HVCN1: variants seen among roughly 807,000 people sequenced by gnomAD.
HVCN1 encodes the protein voltage-gated hydrogen channel 1.
In HVCN1, 14 loss-of-function variants were observed where a neutral mutation model predicts 29.2. The observed-to-expected ratio is 0.48, with a 90% CI of 0.32 to 0.75. The LOEUF is 0.75. HVCN1 is among the 30% of genes least tolerant of loss of function. The pLI, the probability that HVCN1 is intolerant of heterozygous loss-of-function variation, is 0.04. For synonymous variants in HVCN1, 131 were observed against 133.2 expected, an observed-to-expected ratio of 0.98 and a Z score of 0.11; for missense variants, 263 against 341.8, an observed-to-expected ratio of 0.77 and a Z score of 1.82.
intron 3 of HVCN1, among the ~76,000 whole-genome samples, chr12:110,668,884 C>A (rs2068467218): frequency 6.6e-6 from 1 of 152,150 alleles, no homozygotes; most frequent in African/African-American, 2.4e-5. Flanking sequence ...GCAATCTCGC[C>A]CCCTGCTTCT....
chr12:110,666,264 T>C (rs2136325566), intron 3 of HVCN1, among the ~76,000 whole-genome samples: 1 of 148,090 alleles, frequency 6.8e-6, no homozygotes, highest in East Asian at 2.0e-4. Flanking sequence ...TAAAAAAAAA[T>C]ACAAAAAAAT....
At chr12:110,656,499 A>C (rs1216171927) in intron 4 of HVCN1, among the ~76,000 whole-genome samples, 1 of 152,136 alleles carries the variant, frequency 6.6e-6, no homozygotes, top group Non-Finnish European at 1.5e-5. Context: ...ATGGCAGTGG[A>C]GATGCAGCAG....
chr12:110,662,098 C>CA (rs1305957916), intron 3 of HVCN1, among the ~76,000 whole-genome samples: 2 of 152,124 alleles, frequency 1.3e-5, no homozygotes, highest in African/African-American at 4.8e-5. Flanking sequence ...GGCTACATGA[C>CA]TACTGGAACA....
rs749906449 is a variant in HVCN1 at position 110,651,376 on chromosome 12, G to A, written c.484C>T (p.Arg162Cys). ...MEIIFKLFVF[R>C]LEFFHHKFEI... ...AACTTGTGGTGAAAGAACTCCAGGC[G>A]GAAGACAAATAATTTAAAGATGATC... The change falls in exon 6 of 8, where the codon CGC (arginine) becomes TGC (cysteine). Residue 162 changes from arginine to cysteine, a missense_variant. By Grantham distance (180) the Arg-to-Cys change is radical. This residue lies in a region of HVCN1 where 55 missense variants were observed against 109.4 expected (regional missense o/e 0.50). Transcript: ENST00000242607. 6.2e-6 allele frequency: 10 copies of A among 1,613,570 alleles called. No homozygotes were observed. The highest frequency in any genetic ancestry group is 1.3e-5 in the African/African-American group (1 of 74,828).
intron 2 of HVCN1, among the ~76,000 whole-genome samples, chr12:110,684,182 G>T (rs1380011672): frequency 6.6e-6 from 1 of 152,076 alleles, no homozygotes; most frequent in Non-Finnish European, 1.5e-5. Flanking sequence ...TGATGCAAAT[G>T]TTCTGTGCAG....
chr12:110,702,812 G>A (rs1257518865), intron 1 of HVCN1, among the ~76,000 whole-genome samples: 1 of 152,152 alleles, frequency 6.6e-6, no homozygotes, highest in Non-Finnish European at 1.5e-5. Flanking sequence ...GTGCAACCAT[G>A]CCCAGCTAAT....
chr12:110,655,315 A>C lies in HVCN1; in HGVS notation c.330T>G (p.Val110=), dbSNP rs1329740832. 1 of 1,613,854 alleles carries C rather than the reference A, an allele frequency of 6.2e-7. No homozygotes were observed. The highest frequency in any genetic ancestry group is 8.5e-7 in the Non-Finnish European group (1 of 1,179,916). Reference sequence around the variant, plus strand: ...CAGCAAGCACCAGGAGGGCATCCAGAACCACCAAGCAGATGATGATGACCT... The same window carrying C: ...CAGCAAGCACCAGGAGGGCATCCAGCACCACCAAGCAGATGATGATGACCT... The part of the protein sequence containing the change: ...RFQVIIICLV[V]LDALLVLAEL... The change falls in exon 5 of 8, where the codon GTT becomes GTG. Residue 110 remains valine, a synonymous_variant. Coordinates refer to ENST00000242607, the MANE Select transcript of HVCN1 (RefSeq NM_032369.4).
chr12:110,664,067 A>G (rs1478713588), intron 3 of HVCN1, among the ~76,000 whole-genome samples: 2 of 152,134 alleles, frequency 1.3e-5, no homozygotes, highest in African/African-American at 2.4e-5. Context: ...GTGGCACACT[A>G]TAACGTGTCT....
intron 2 of HVCN1, among the ~76,000 whole-genome samples, chr12:110,701,507 A>G (rs949119181): frequency 6.6e-6 from 1 of 152,168 alleles, no homozygotes; most frequent in African/African-American, 2.4e-5. Context: ...CAGTGGCTGA[A>G]TTAGGTGACC....
At chr12:110,668,852 G>A (rs1044193343) in intron 3 of HVCN1, among the ~76,000 whole-genome samples, 5 of 152,098 alleles carry the variant, frequency 3.3e-5, no homozygotes, top group African/African-American at 1.2e-4. Context: ...ACTCTTTGAC[G>A]CTGTTGAATC....
rs532352070 is a variant in HVCN1, at chr12:110,676,122, T to C, written c.21+7103A>G. Among the ~76,000 whole-genome samples, 1 of 152,252 alleles carries C rather than the reference T, an allele frequency of 6.6e-6. No individual in the cohort carries two copies. Among genetic ancestry groups the C allele is most frequent in the Non-Finnish European group, 1.5e-5 (1 of 68,002 alleles). On this transcript the variant is annotated intron_variant, in intron 3 of 7. Coordinates refer to ENST00000242607, the MANE Select transcript of HVCN1 (RefSeq NM_032369.4). This position sits in a 1 kb window ranked among gnomAD's most constrained non-coding sequence, Gnocchi z 4.1. ...GGGCCAGAGCGGCTGTCCCCAGTCCTAGCTTCACTCATCCTCCCCTATAGC... is the reference window on the plus strand; with the variant it reads ...GGGCCAGAGCGGCTGTCCCCAGTCCCAGCTTCACTCATCCTCCCCTATAGC...
chr12:110,696,604 C>T (rs1408577728), intron 2 of HVCN1, among the ~76,000 whole-genome samples: 1 of 152,048 alleles, frequency 6.6e-6, no homozygotes, highest in African/African-American at 2.4e-5. Context: ...CCATTCCTGT[C>T]TCCCTCCAGC....
In HVCN1 at chr12:110,649,413, G is replaced by A. The variant is rs1351366394; in HGVS notation, c.819C>T (p.Asn273=). 3.7e-6 allele frequency: 6 copies of A among 1,607,742 alleles called. No individual in the cohort carries two copies. The African/African-American group carries it at 8.0e-5, about 21-fold the overall frequency. ...TTTGAGGGGAGCTGGTCCGGGTCTA[G>A]TTCACTTCACCAAGAAGTCCATGCT... ...LRQHGLLGEV[N] The change falls in exon 8 of 8, where the codon AAC becomes AAT. Residue 273 remains asparagine, a synonymous_variant. Coordinates refer to ENST00000242607, the MANE Select transcript of HVCN1 (RefSeq NM_032369.4).
intron 3 of HVCN1, among the ~76,000 whole-genome samples, chr12:110,673,840 G>A (rs1392300758): frequency 6.6e-6 from 1 of 152,238 alleles, no homozygotes; most frequent in African/African-American, 2.4e-5. Flanking sequence ...CCAAAAGTTT[G>A]CTTCAGGGGT....
intron 2 of HVCN1, among the ~76,000 whole-genome samples, chr12:110,701,963 G>T (rs1474458937): frequency 3.5e-5 from 5 of 144,284 alleles, no homozygotes; most frequent in Non-Finnish European, 4.5e-5. Context: ...TTTTTTTTTT[G>T]AGACGGAGTT....
chr12:110,649,712 G>A (rs1373155446), intron 7 of HVCN1, among the ~76,000 whole-genome samples: 1 of 152,204 alleles, frequency 6.6e-6, no homozygotes, highest in Non-Finnish European at 1.5e-5. Flanking sequence ...GTGGGGGTGG[G>A]CACAGCTTCA....
chr12:110,691,450 A>C (rs919462745), upstream of HVCN1, among the ~76,000 whole-genome samples: 2 of 152,174 alleles, frequency 1.3e-5, no homozygotes, highest in African/African-American at 2.4e-5. Flanking sequence ...TTTCTAAGGC[A>C]TAGTCTGGTC....
chr12:110,659,636 A>G (rs1348867999), intron 4 of HVCN1, among the ~76,000 whole-genome samples: 1 of 152,214 alleles, frequency 6.6e-6, no homozygotes, highest in Non-Finnish European at 1.5e-5. Flanking sequence ...ATGTCCTTCT[A>G]GACTGTGTAT....
chr12:110,668,774 G>T (rs1201760791), intron 3 of HVCN1, among the ~76,000 whole-genome samples: 3 of 152,148 alleles, frequency 2.0e-5, no homozygotes, highest in Non-Finnish European at 4.4e-5. Flanking sequence ...GTACCCTGAT[G>T]CTCCTCTGCG....
Sources: allele counts gnomAD v4.1 joint callset (sites outside exome capture counted in the v4.1 genomes callset), GRCh38; gene constraint gnomAD v4.1.1; regional missense constraint gnomAD v4.1.1; non-coding constraint Gnocchi (gnomAD v3.1); transcripts MANE v1.5; gene names NCBI Gene and HGNC (gene_info 2026-07-23, HGNC 2026-07-21).